The following SMUG1 variants were observed in gnomAD, a reference collection of about 807,000 sequenced individuals.
The protein encoded by SMUG1 is single-strand-selective monofunctional uracil-DNA glycosylase 1.
Under a neutral mutation model 23.9 loss-of-function variants are expected in SMUG1, and 13 were observed. The ratio of observed to expected loss-of-function variants is 0.54; its 90% confidence interval spans 0.35 to 0.86. SMUG1 has a LOEUF of 0.86. Among genes scored for constraint, SMUG1 ranks in the 40% least tolerant of loss-of-function variants. The pLI, the probability that SMUG1 is intolerant of heterozygous loss-of-function variation, is 0.01. For missense variants in SMUG1, 313 were observed against 339.5 expected (o/e 0.92, Z 0.61); for synonymous variants, 133 against 139.8 (o/e 0.95, Z 0.34).
intron 2 of SMUG1, among the ~76,000 whole-genome samples, chr12:54,184,800 C>T (rs1941942166): frequency 6.6e-6 from 1 of 152,344 alleles, no homozygotes; most frequent in South Asian, 2.1e-4. Flanking sequence ...TTACGAGCTA[C>T]ACAACCATGG....
intron 1 of SMUG1, 87 bp from the exon 2 acceptor site, chr12:54,187,989 G>T (rs978510620): frequency 2.0e-5 from 3 of 152,064 alleles, no homozygotes; most frequent in Admixed American, 6.6e-5. Context: ...AGAACCCAAA[G>T]GAGGAACTTG....
At chr12:54,171,597 G>C (rs1592351038) in intron 3 of SMUG1, among the ~76,000 whole-genome samples, 1 of 142,572 alleles carries the variant, frequency 7.0e-6, no homozygotes, top group East Asian at 2.2e-4. Context: ...GGCTGAGGCA[G>C]AATTGCTTGA....
intron 3 of SMUG1, 24 bp downstream of exon 3, chr12:54,183,632 C>G (rs778603508): frequency 6.2e-7 from 1 of 1,612,034 alleles, no homozygotes; most frequent in South Asian, 1.1e-5. Flanking sequence ...CCACTCCACC[C>G]ACTGGGGAAG....
At chr12:54,166,713 T>C (rs1449239142) in intron 3 of SMUG1, among the ~76,000 whole-genome samples, 1 of 152,134 alleles carries the variant, frequency 6.6e-6, no homozygotes, top group African/African-American at 2.4e-5. Flanking sequence ...GCCCTCTCTG[T>C]TGACATAATT....
At chr12:54,183,454 T>G (rs1478120395) in intron 3 of SMUG1, 13 of 598,572 alleles carry the variant, frequency 2.2e-5, no homozygotes, top group African/African-American at 7.4e-5. Flanking sequence ...GAAACTACCA[T>G]TAATGTGCTT....
At position 54,181,261 on chromosome 12, in the gene SMUG1, A is replaced by T. The variant is rs1941027013; in HGVS notation, c.*835T>A. On this transcript the variant is annotated 3_prime_UTR_variant, in exon 4 of 4. Coordinates refer to ENST00000682136, the MANE Select transcript of SMUG1 (RefSeq NM_001243787.2). Reference sequence around the variant, plus strand: ...TCACCCTGGCCGCAGGTGGAAGCCCAGACTCTCTCCTAGCAAGGTATCCAG... The same window carrying T: ...TCACCCTGGCCGCAGGTGGAAGCCCTGACTCTCTCCTAGCAAGGTATCCAG... The T allele has an allele frequency of 1.4e-5, 5 of 366,590 alleles. No individual in the cohort carries two copies. 22.7% of individuals were successfully genotyped at this position (366,590 alleles called of 1,614,324 possible).
chr12:54,182,781 G>A, intron 3 of SMUG1, 158 bp from the exon 4 acceptor site: 4 of 1,373,330 alleles, frequency 2.9e-6, no homozygotes, highest in Non-Finnish European at 2.9e-6. Flanking sequence ...TTGGCCCTAT[G>A]GTTTGAGCCT....
At chr12:54,183,113 C>A in intron 3 of SMUG1, 1 of 186,686 alleles carries the variant, frequency 5.4e-6, no homozygotes, top group Non-Finnish European at 1.1e-5. Flanking sequence ...GCCTTCTGCC[C>A]TGAAGCCTCT....
downstream of SMUG1, chr12:54,180,336 C>T (rs1289001777): frequency 6.6e-6 from 1 of 152,190 alleles, no homozygotes; most frequent in Non-Finnish European, 1.5e-5. Flanking sequence ...TTGGGAAATT[C>T]CAAGGATTTA....
chr12:54,188,837 G>GTTTT (rs1373406902), intron 1 of SMUG1, 114 bp downstream of exon 1: 19 of 151,984 alleles, frequency 1.3e-4, no homozygotes, highest in African/African-American at 3.9e-4. Flanking sequence ...CCATACGGAG[G>GTTTT]GAGGGACCCC....
chr12:54,169,314 G>A (rs1940558188), intron 3 of SMUG1, among the ~76,000 whole-genome samples: 1 of 152,172 alleles, frequency 6.6e-6, no homozygotes. Flanking sequence ...GCATGGCTAG[G>A]ACTGTACCAG....
chr12:54,176,519 A>T (rs1275668416), downstream of SMUG1, among the ~76,000 whole-genome samples: 4 of 30,346 alleles, frequency 1.3e-4, 1 homozygote, highest in African/African-American at 2.6e-4. Flanking sequence ...CCCCCCCAAA[A>T]AAAAAGGCCG....
chr12:54,161,541 G>T (rs1482244168), downstream of SMUG1, among the ~76,000 whole-genome samples: 1 of 152,068 alleles, frequency 6.6e-6, no homozygotes, highest in Non-Finnish European at 1.5e-5. The surrounding 1 kb of genome is among the most constrained non-coding windows in gnomAD (Gnocchi z 4.2). Context: ...CCCTCCTCTT[G>T]TACTCTTTCC....
downstream of SMUG1, among the ~76,000 whole-genome samples, chr12:54,164,064 GT>G (rs1249006290): frequency 6.6e-6 from 1 of 152,066 alleles, no homozygotes; most frequent in Non-Finnish European, 1.5e-5. Context: ...GGCAGAAGGG[GT>G]TAGTAAGAAG....
At chr12:54,177,768 C>G (rs1940792902), downstream of SMUG1, among the ~76,000 whole-genome samples, 1 of 152,062 alleles carries the variant, frequency 6.6e-6, no homozygotes, top group South Asian at 2.1e-4. Flanking sequence ...GTCTGATCAG[C>G]TACCTAAGCC....
intron 3 of SMUG1, among the ~76,000 whole-genome samples, chr12:54,169,043 T>C (rs1940552846): frequency 6.6e-6 from 1 of 152,116 alleles, no homozygotes; most frequent in South Asian, 2.1e-4. Context: ...CCCAGTCAGA[T>C]TGCCTCCCAT....
chr12:54,174,745 G>T (rs1199900274), intron 2 of SMUG1, among the ~76,000 whole-genome samples: 1 of 152,228 alleles, frequency 6.6e-6, no homozygotes, highest in Non-Finnish European at 1.5e-5. Flanking sequence ...TGCAAGCCAG[G>T]ACTAGAGACA....
chr12:54,176,275 T>C (rs1413944327), downstream of SMUG1, among the ~76,000 whole-genome samples: 1 of 151,472 alleles, frequency 6.6e-6, no homozygotes, highest in Non-Finnish European at 1.5e-5. Flanking sequence ...ATCCCAGCAC[T>C]TTAGGAGGCT....
chr12:54,181,643 G>C lies in SMUG1; in HGVS notation c.*453C>G. ...AATTTCATGTCCCATGCTTTGTCTT[G>C]GTCCCTGTGAGGAAAGGGGTCAGCT... On this transcript the variant is annotated 3_prime_UTR_variant, in exon 4 of 4. Transcript: ENST00000682136. 1 of 1,589,286 alleles carries C rather than the reference G, an allele frequency of 6.3e-7. No homozygotes were observed. The highest frequency in any genetic ancestry group is 1.1e-5 in the South Asian group (1 of 88,812).
Sources: gnomAD v4.1 joint callset for allele counts (sites outside exome capture counted in the v4.1 genomes callset) on GRCh38, gnomAD v4.1.1 for gene constraint, Gnocchi (gnomAD v3.1) non-coding constraint, MANE v1.5 for transcripts, NCBI Gene and HGNC (gene_info 2026-07-23, HGNC 2026-07-21) for gene names.